Variants in CPE observed in about 807,000 individuals in gnomAD.
CPE encodes the protein carboxypeptidase E.
A neutral mutation model predicts 53.5 loss-of-function variants in CPE; 17 were observed. The ratio of observed to expected loss-of-function variants is 0.32; its 90% CI spans 0.22 to 0.48. The LOEUF (loss-of-function observed/expected upper bound fraction) is 0.48. Among genes scored for constraint, CPE ranks in the 20% least tolerant of loss-of-function variants. CPE has a pLI of 0.99. For missense variants in CPE, 524 were observed against 614.7 expected, an observed-to-expected ratio of 0.85 and a Z score of 1.56; for synonymous variants, 226 against 228.8, an observed-to-expected ratio of 0.99 and a Z score of 0.11.
chr4:165,482,214 T>A (rs892935017), intron 3 of CPE, 28 bp from the exon 4 acceptor site: 3 of 1,423,896 alleles, frequency 2.1e-6, no homozygotes, highest in African/African-American at 1.4e-5. Flanking sequence ...ATTAAATTTA[T>A]AATCCTTTTA....
intron 1 of CPE, among the ~76,000 whole-genome samples, chr4:165,398,394 G>A (rs1328454537): frequency 2.0e-5 from 3 of 151,842 alleles, no homozygotes; most frequent in African/African-American, 7.3e-5. Context: ...ATAGGTGTAT[G>A]AATACATATA....
At chr4:165,466,799 AGCCACT>A (rs1206941029) in intron 2 of CPE, among the ~76,000 whole-genome samples, 1 of 152,190 alleles carries the variant, frequency 6.6e-6, no homozygotes, top group African/African-American at 2.4e-5. Flanking sequence ...TACAGGCGTG[AGCCACT>A]GCACCTGGCC....
At chr4:165,407,534 G>T (rs1291619727) in intron 1 of CPE, among the ~76,000 whole-genome samples, 3 of 150,702 alleles carry the variant, frequency 2.0e-5, no homozygotes, top group Non-Finnish European at 3.0e-5. Flanking sequence ...CAAGCATCAT[G>T]CCGGGCTTCA....
chr4:165,437,387 A>G (rs1731523503), intron 1 of CPE, among the ~76,000 whole-genome samples: 1 of 152,182 alleles, frequency 6.6e-6, no homozygotes, highest in African/African-American at 2.4e-5. Context: ...TGCATCCTGT[A>G]TTAAATCAGC....
intron 1 of CPE, among the ~76,000 whole-genome samples, chr4:165,417,791 G>A (rs67924494): frequency 2.6e-3 from 195 of 73,596 alleles, no homozygotes; most frequent in East Asian, 4.9e-3. Flanking sequence ...AAAAAAAAAA[G>A]ACATTAAATC....
intron 1 of CPE, among the ~76,000 whole-genome samples, chr4:165,435,148 G>A (rs1013505183): frequency 6.6e-6 from 1 of 152,130 alleles, no homozygotes; most frequent in Non-Finnish European, 1.5e-5. Flanking sequence ...GAATTACCCA[G>A]CCTCAAGTAT....
intron 6 of CPE, among the ~76,000 whole-genome samples, chr4:165,492,149 A>ATC: frequency 6.6e-6 from 1 of 152,206 alleles, no homozygotes; most frequent in South Asian, 2.1e-4. Context: ...TGATGACTAC[A>ATC]ACTTAATTTA....
At chr4:165,468,037 G>A (rs1732139780) in intron 3 of CPE, among the ~76,000 whole-genome samples, 182 bp downstream of exon 3, 1 of 152,100 alleles carries the variant, frequency 6.6e-6, no homozygotes, top group Admixed American at 6.5e-5. Context: ...CCTAGAATTG[G>A]GCCGTAGGTG....
intron 1 of CPE, among the ~76,000 whole-genome samples, chr4:165,414,744 T>G (rs1159010772): frequency 6.6e-6 from 1 of 152,040 alleles, no homozygotes; most frequent in Middle Eastern, 3.2e-3. Context: ...TATATACACA[T>G]ATGTACTTAT....
intron 1 of CPE, among the ~76,000 whole-genome samples, chr4:165,459,641 C>T (rs374564590): frequency 4.0e-5 from 5 of 123,464 alleles, no homozygotes; most frequent in East Asian, 5.0e-4. Context: ...TGGTGGCTCA[C>T]GTCTGTAATC....
chr4:165,380,295 G>T (rs1230232703), intron 1 of CPE, among the ~76,000 whole-genome samples: 5 of 152,172 alleles, frequency 3.3e-5, no homozygotes, highest in Non-Finnish European at 7.3e-5. Context: ...CATTTTCTCT[G>T]CTATAACCAT....
chr4:165,434,197 T>G (rs1579259788), intron 1 of CPE, among the ~76,000 whole-genome samples: 1 of 152,204 alleles, frequency 6.6e-6, no homozygotes, highest in East Asian at 1.9e-4. Context: ...CTTGCTAAAC[T>G]GTCAACTCCC....
chr4:165,436,416 A>T (rs1731502139), intron 1 of CPE, among the ~76,000 whole-genome samples: 1 of 152,172 alleles, frequency 6.6e-6, no homozygotes, highest in South Asian at 2.1e-4. Flanking sequence ...ACAGTGTGGG[A>T]TAGTAAAAAT....
intron 1 of CPE, among the ~76,000 whole-genome samples, chr4:165,457,881 A>G (rs7661960): frequency 0.52 from 79,470 of 151,854 alleles, 21,036 homozygotes; most frequent in Middle Eastern, 0.59. Flanking sequence ...TGTTTTTGTA[A>G]CCATCCTACC....
chr4:165,409,035 C>T (rs762095305), intron 1 of CPE, among the ~76,000 whole-genome samples: 5 of 152,214 alleles, frequency 3.3e-5, no homozygotes, highest in African/African-American at 4.8e-5. Flanking sequence ...ACTGTCTCTT[C>T]TTACATTTAT....
At position 165,498,177 on chromosome 4, in the gene CPE, A is replaced by G. The variant is rs1326499234; in HGVS notation, c.*567A>G. 6.6e-6 allele frequency: 1 copy of G among 152,202 alleles called. No homozygotes were observed. Among genetic ancestry groups the G allele is most frequent in the Non-Finnish European group, 1.5e-5 (1 of 68,034 alleles). The allele number at this position is 152,202 out of a possible 1,614,324, so 9.4% of individuals were successfully genotyped here. ...AAGAGGTTTTATGAAAAGAATAAAA[A>G]TTGACTTCTTGCTTGTACATATAGG... On this transcript the variant is annotated 3_prime_UTR_variant, in exon 9 of 9. Transcript: ENST00000402744.
At chr4:165,458,643 C>T (rs1231381705) in intron 1 of CPE, among the ~76,000 whole-genome samples, 3 of 152,220 alleles carry the variant, frequency 2.0e-5, no homozygotes, top group Admixed American at 2.0e-4. Context: ...TCACAATTTA[C>T]AACCCACATT....
At position 165,466,315 on chromosome 4, in the gene CPE, C is replaced by G. The variant is rs904760802; in HGVS notation, c.505-1373C>G. On this transcript the variant is annotated intron_variant, in intron 2 of 8. Coordinates refer to ENST00000402744, the MANE Select transcript of CPE (RefSeq NM_001873.4). ...GAAAATACAGCATAAAAGATAAAAA[C>G]AGTACCTTTGGACAGGGCTTTTACC... Among the ~76,000 whole-genome samples, 3 of 152,120 alleles carry G rather than the reference C, an allele frequency of 2.0e-5. 1 individual carries two copies. The South Asian group carries it at 6.2e-4, about 31-fold the overall frequency.
rs749025729 is a variant in CPE, at chr4:165,467,870, A to G, written c.672+15A>G. 1 of 1,612,546 alleles carries G rather than the reference A, an allele frequency of 6.2e-7. No individual in the cohort carries two copies. Among genetic ancestry groups the G allele is most frequent in the Middle Eastern group, 1.7e-4 (1 of 6,034 alleles). ...AAAACACAAAGGTAGTGACCACGGGATAGTCTTCTTGGGTTCGTCTCTAGC... is the reference window on the plus strand; with the variant it reads ...AAAACACAAAGGTAGTGACCACGGGGTAGTCTTCTTGGGTTCGTCTCTAGC... On this transcript the variant is annotated intron_variant, in intron 3 of 8. Coordinates refer to ENST00000402744, the MANE Select transcript of CPE (RefSeq NM_001873.4).
Sources: allele counts gnomAD v4.1 joint callset (sites outside exome capture counted in the v4.1 genomes callset), GRCh38; gene constraint gnomAD v4.1.1; transcripts MANE v1.5; gene names NCBI Gene and HGNC (gene_info 2026-07-23, HGNC 2026-07-21).